RABGAP1L: variants seen among roughly 807,000 people sequenced by gnomAD.
RABGAP1L encodes rab GTPase-activating protein 1-like.
A neutral mutation model predicts 137.7 loss-of-function variants in RABGAP1L; 63 were observed. The observed-to-expected ratio is 0.46, with a 90% CI of 0.37 to 0.56. The LOEUF (loss-of-function observed/expected upper bound fraction) is 0.56, where lower values mean the gene tolerates loss of function less well. Ranked by LOEUF, RABGAP1L falls within the 20% of genes least tolerant of loss-of-function variation. The probability of loss-of-function intolerance (pLI) is 0.00; values close to 1 mark genes in which losing one functional copy is unlikely to be tolerated. For missense variants in RABGAP1L, 1,095 were observed against 1,244.0 expected, an observed-to-expected ratio of 0.88 and a Z score of 1.80; for synonymous variants, 431 against 433.7, an observed-to-expected ratio of 0.99 and a Z score of 0.08.
chr1:174,911,736 G>T (rs1263242590), intron 19 of RABGAP1L, among the ~76,000 whole-genome samples: 2 of 152,224 alleles, frequency 1.3e-5, no homozygotes, highest in Non-Finnish European at 2.9e-5. Context: ...GGTGCTTATT[G>T]CTTCCAGAGT....
intron 15 of RABGAP1L, among the ~76,000 whole-genome samples, chr1:174,694,187 C>A (rs1241865470): frequency 6.6e-6 from 1 of 151,022 alleles, no homozygotes; most frequent in South Asian, 2.1e-4. Flanking sequence ...CATTTTTTTT[C>A]TTTTTTTATT....
chr1:174,985,649 C>G (rs563570624), intron 24 of RABGAP1L, among the ~76,000 whole-genome samples: 3 of 152,074 alleles, frequency 2.0e-5, no homozygotes, highest in African/African-American at 7.2e-5. Context: ...TCATGATCAC[C>G]CCCCAGTTCA....
chr1:174,820,879 T>C (rs1690946218), intron 19 of RABGAP1L, among the ~76,000 whole-genome samples: 1 of 151,850 alleles, frequency 6.6e-6, no homozygotes, highest in Non-Finnish European at 1.5e-5. Context: ...TCCCTAGGCA[T>C]GGTGGCACGT....
At chr1:174,571,469 A>G (rs2861003) in intron 13 of RABGAP1L, among the ~76,000 whole-genome samples, 53,555 of 151,910 alleles carry the variant, frequency 0.35, 12,076 homozygotes, top group African/African-American at 0.64. Flanking sequence ...AGGGGGATGG[A>G]TACCCAGTTT....
At chr1:174,849,126 C>G (rs914359999) in intron 19 of RABGAP1L, among the ~76,000 whole-genome samples, 2 of 152,198 alleles carry the variant, frequency 1.3e-5, no homozygotes, top group African/African-American at 4.8e-5. Flanking sequence ...CGCCCACTGT[C>G]TGGCACTCCC....
Position 174,387,658 on chromosome 1 carries a change from T to A in RABGAP1L, c.1560-6337T>A, listed in dbSNP as rs111516423. Among the ~76,000 whole-genome samples, 185 of 152,148 alleles carry A rather than the reference T, an allele frequency of 1.2e-3. 1 individual carries two copies. The highest frequency in any genetic ancestry group is 4.3e-3 in the African/African-American group (180 of 41,520). ...ATATTTATACCAGACTCACTGACCCTATGTACAGAGATGAGGCTCCAAATG... is the reference window on the plus strand; with the variant it reads ...ATATTTATACCAGACTCACTGACCCAATGTACAGAGATGAGGCTCCAAATG... On this transcript the variant is annotated intron_variant, in intron 12 of 25. Coordinates refer to ENST00000681986, the MANE Select transcript of RABGAP1L (RefSeq NM_001366446.1).
intron 19 of RABGAP1L, among the ~76,000 whole-genome samples, chr1:174,841,339 AT>A (rs1422475527): frequency 6.6e-6 from 1 of 152,136 alleles, no homozygotes; most frequent in Non-Finnish European, 1.5e-5. Flanking sequence ...TCACCTGGAC[AT>A]TTTAAATTTC....
At chr1:174,395,021 T>C (rs1647652326) in intron 13 of RABGAP1L, among the ~76,000 whole-genome samples, 2 of 151,984 alleles carry the variant, frequency 1.3e-5, no homozygotes, top group African/African-American at 4.8e-5. Flanking sequence ...AGATGATCCA[T>C]TGGTGTGTGG....
chr1:174,621,707 A>T (rs1672488725), intron 13 of RABGAP1L, among the ~76,000 whole-genome samples: 1 of 152,210 alleles, frequency 6.6e-6, no homozygotes, highest in East Asian at 1.9e-4. Context: ...TTAATTCAAG[A>T]TGGATTAAAG....
At chr1:174,946,962 G>A (rs1218133617) in intron 19 of RABGAP1L, among the ~76,000 whole-genome samples, 13 of 125,462 alleles carry the variant, frequency 1.0e-4, no homozygotes, top group Non-Finnish European at 2.0e-4. Flanking sequence ...GTGTGTGTGT[G>A]TGTGTGTGTG....
intron 13 of RABGAP1L, among the ~76,000 whole-genome samples, chr1:174,483,843 T>C (rs950862984): frequency 6.6e-6 from 1 of 152,116 alleles, no homozygotes; most frequent in Non-Finnish European, 1.5e-5. Flanking sequence ...ATCTTGGTTA[T>C]TGTAAATAAT....
chr1:174,964,232 T>A (rs1203809069), intron 20 of RABGAP1L, among the ~76,000 whole-genome samples: 1 of 152,164 alleles, frequency 6.6e-6, no homozygotes, highest in Non-Finnish European at 1.5e-5. Context: ...GCACTGAGTC[T>A]TTTAGGAAAA....
intron 18 of RABGAP1L, among the ~76,000 whole-genome samples, chr1:174,798,691 C>T (rs1370142582): frequency 6.6e-6 from 1 of 152,120 alleles, no homozygotes; most frequent in Non-Finnish European, 1.5e-5. Flanking sequence ...ATATGTAACT[C>T]TTATTTGTCA....
intron 1 of RABGAP1L, among the ~76,000 whole-genome samples, chr1:174,191,240 C>T (rs1163249232): frequency 6.6e-6 from 1 of 152,114 alleles, no homozygotes; most frequent in Admixed American, 6.5e-5. Context: ...TCATTGCATA[C>T]TGTTAATAAA....
At chr1:174,954,124 T>G (rs2149333368) in intron 19 of RABGAP1L, 1 of 152,282 alleles carries the variant, frequency 6.6e-6, no homozygotes, top group Middle Eastern at 3.4e-3. Flanking sequence ...TGAAAGATGG[T>G]TTAAAAACTG....
At chr1:174,984,720 C>T (rs1232273163) in intron 24 of RABGAP1L, among the ~76,000 whole-genome samples, 1 of 152,070 alleles carries the variant, frequency 6.6e-6, no homozygotes, top group Non-Finnish European at 1.5e-5. Context: ...CCAGCCTGAG[C>T]AGCAGAGTGA....
intron 3 of RABGAP1L, among the ~76,000 whole-genome samples, chr1:174,225,708 A>G (rs1344420962): frequency 1.3e-5 from 2 of 151,192 alleles, no homozygotes; most frequent in African/African-American, 4.9e-5. Context: ...ATTTCCCCAC[A>G]CTCTCTGGCT....
intron 13 of RABGAP1L, among the ~76,000 whole-genome samples, chr1:174,492,265 CCG>C (rs1321791956): frequency 6.6e-6 from 1 of 150,746 alleles, no homozygotes; most frequent in Admixed American, 6.6e-5. Context: ...ACTGCAACCT[CCG>C]CCTCCCAGGT....
intron 11 of RABGAP1L, among the ~76,000 whole-genome samples, chr1:174,349,343 G>A (rs1482181533): frequency 7.9e-6 from 1 of 127,114 alleles, no homozygotes; most frequent in Admixed American, 7.3e-5. Context: ...TGGGGCCACT[G>A]GCCGGGCAGG....
Sources: allele counts gnomAD v4.1 joint callset (sites outside exome capture counted in the v4.1 genomes callset), GRCh38; gene constraint gnomAD v4.1.1; transcripts MANE v1.5; gene names NCBI Gene and HGNC (gene_info 2026-07-23, HGNC 2026-07-21).